The following PCF11 variants were observed in gnomAD, a reference collection of about 807,000 sequenced individuals.
PCF11 encodes the protein PCF11 cleavage and polyadenylation factor subunit.
PCF11 carries 19 observed loss-of-function variants against 166.1 expected under a neutral mutation model. The ratio of observed to expected loss-of-function variants is 0.11; its 90% confidence interval spans 0.08 to 0.17. The LOEUF (loss-of-function observed/expected upper bound fraction) is 0.17. Ranked by LOEUF, PCF11 falls within the 10% of genes least tolerant of loss-of-function variation. The probability of loss-of-function intolerance (pLI) is 1.00; values close to 1 mark genes in which losing one functional copy is unlikely to be tolerated. For synonymous variants in PCF11, 663 were observed against 644.1 expected (o/e 1.03, Z -0.44); for missense variants, 1,565 against 1,855.5 (o/e 0.84, Z 2.88).
chr11:83,176,266 A>G (rs1860875315), intron 9 of PCF11, among the ~76,000 whole-genome samples: 2 of 152,040 alleles, frequency 1.3e-5, no homozygotes, highest in African/African-American at 4.8e-5. Flanking sequence ...TATATTCTCA[A>G]CTCCAGTGTG....
At chr11:83,168,686 C>T (rs1860562684) in exon 8 of PCF11, 1 of 1,613,832 alleles carries the variant, frequency 6.2e-7, no homozygotes, top group Non-Finnish European at 8.5e-7. Flanking sequence ...GATGGACCTC[C>T]CACACCAGCT....
chr11:83,177,413 A>G (rs912947033), intron 10 of PCF11, among the ~76,000 whole-genome samples: 2 of 152,174 alleles, frequency 1.3e-5, no homozygotes, highest in Non-Finnish European at 2.9e-5. Context: ...GTTTCAGTTA[A>G]CTAACATACC....
chr11:83,165,323 C>T (rs1312858619), intron 4 of PCF11, among the ~76,000 whole-genome samples: 2 of 152,038 alleles, frequency 1.3e-5, no homozygotes, highest in Admixed American at 1.3e-4. Flanking sequence ...GGCTCAGAAT[C>T]CTGAACAATA....
Position 83,167,942 on chromosome 11 carries a change from A to G in PCF11, c.2092+437A>G. 8.1e-7 allele frequency: 1 copy of G among 1,240,248 alleles called. No homozygotes were observed. The allele number at this position is 1,240,248 out of a possible 1,614,324, so 76.8% of individuals were successfully genotyped here. A position where few individuals can be genotyped will look rare whatever the true frequency, so the allele number is the denominator to read the frequency against. ...GATTATGCCTATTGAATCACACAGC[A>G]GTGAAGGGAAAATGAACAAGCTAAG... On this transcript the variant is annotated intron_variant, in intron 7 of 15. Coordinates refer to ENST00000298281, the Ensembl canonical transcript of PCF11. The surrounding 1 kb of genome is among the most constrained non-coding windows in gnomAD (Gnocchi z 4.2).
exon 5 of PCF11, chr11:83,166,608 A>C: frequency 6.2e-7 from 1 of 1,613,930 alleles, no homozygotes; most frequent in Non-Finnish European, 8.5e-7. Context: ...AGAAACTACA[A>C]ATCAGCATTC....
At chr11:83,173,381 G>A (rs974614730) in intron 9 of PCF11, among the ~76,000 whole-genome samples, 1 of 152,110 alleles carries the variant, frequency 6.6e-6, no homozygotes, top group Non-Finnish European at 1.5e-5. Context: ...CTTGAACCCA[G>A]GAGGTGGAGG....
chr11:83,174,220 C>G (rs1860797872), intron 9 of PCF11, among the ~76,000 whole-genome samples: 2 of 152,142 alleles, frequency 1.3e-5, no homozygotes, highest in South Asian at 4.1e-4. Context: ...TAGCTTCTCT[C>G]AAGGTTCCTT....
At chr11:83,177,576 T>G in intron 10 of PCF11, 138 bp from the exon 11 acceptor site, 1 of 437,832 alleles carries the variant, frequency 2.3e-6, no homozygotes, top group Non-Finnish European at 4.1e-6. Context: ...TTAGGTTCCT[T>G]GGCCAGTAAA....
chr11:83,163,681 G>C, exon 3 of PCF11: 1 of 1,454,834 alleles, frequency 6.9e-7, no homozygotes. Flanking sequence ...TGTTCTAGGT[G>C]GATGAAAATA....
At chr11:83,181,816 TA>T in intron 12 of PCF11, 37 bp from the exon 13 acceptor site, 2 of 1,471,606 alleles carry the variant, frequency 1.4e-6, no homozygotes, top group Non-Finnish European at 1.8e-6. Context: ...AATTTAGAAA[TA>T]AATGGAATAA....
chr11:83,163,321 A>C (rs1860326973), intron 2 of PCF11, among the ~76,000 whole-genome samples: 1 of 152,110 alleles, frequency 6.6e-6, no homozygotes, highest in Non-Finnish European at 1.5e-5. Context: ...TCAGGTAATC[A>C]ATTTTTCTAG....
chr11:83,167,700 G>C lies in PCF11; in HGVS notation c.2092+195G>C. 1 of 1,506,442 alleles carries C rather than the reference G, an allele frequency of 6.6e-7. No homozygotes were observed. Among genetic ancestry groups the C allele is most frequent in the Non-Finnish European group, 8.9e-7 (1 of 1,128,994 alleles). 93.3% of individuals were successfully genotyped at this position (1,506,442 alleles called of 1,614,324 possible). Reference sequence around the variant, plus strand: ...TATTTTTGACTACCCTTTGACTGATGCCTTGTTGTCTGGAATAGAATGTGA... The same window carrying C: ...TATTTTTGACTACCCTTTGACTGATCCCTTGTTGTCTGGAATAGAATGTGA... On this transcript the variant is annotated intron_variant, in intron 7 of 15. Coordinates refer to ENST00000298281, the Ensembl canonical transcript of PCF11. The surrounding 1 kb of genome is among the most constrained non-coding windows in gnomAD (Gnocchi z 4.2).
At chr11:83,161,478 C>T (rs1411983027) in intron 2 of PCF11, 26 bp downstream of exon 2, 8 of 1,482,644 alleles carry the variant, frequency 5.4e-6, no homozygotes, top group South Asian at 1.3e-5. Flanking sequence ...GAAACATTTG[C>T]GTTTTTTTTT....
In PCF11 at chr11:83,167,729, A is replaced by G. The variant is rs1425326400; in HGVS notation, c.2092+224A>G. On this transcript the variant is annotated intron_variant, in intron 7 of 15. Transcript: ENST00000298281. The surrounding 1 kb of genome is among the most constrained non-coding windows in gnomAD (Gnocchi z 4.2). The stretch of plus-strand genomic sequence containing the variant: ...TGTTGTCTGGAATAGAATGTGAGCC[A>G]TCCAAAAGTAAACATGCAAGTAGGA... The G allele has an allele frequency of 7.4e-6, 11 of 1,478,778 alleles. No homozygotes were observed. 91.6% of individuals were successfully genotyped at this position (1,478,778 alleles called of 1,614,324 possible).
At chr11:83,166,079 G>A (rs1372296385) in exon 5 of PCF11, 2 of 1,610,496 alleles carry the variant, frequency 1.2e-6, no homozygotes, top group Non-Finnish European at 1.7e-6. Context: ...GTATGAGGTT[G>A]TCTGATATGA....
intron 11 of PCF11, among the ~76,000 whole-genome samples, chr11:83,179,922 A>G (rs1462822911): frequency 6.6e-6 from 1 of 151,898 alleles, no homozygotes; most frequent in Non-Finnish European, 1.5e-5. Context: ...TCCGTCTCCA[A>G]AAAAAACGGG....
intron 5 of PCF11, 100 bp downstream of exon 5, chr11:83,166,814 C>A: frequency 2.0e-6 from 2 of 994,794 alleles, no homozygotes; most frequent in South Asian, 1.7e-5. Context: ...GCTATTAGTA[C>A]TTTTTTTCCA....
chr11:83,170,246 GTTTTTTC>G (rs900367952), intron 8 of PCF11, among the ~76,000 whole-genome samples: 4 of 151,842 alleles, frequency 2.6e-5, no homozygotes, highest in Non-Finnish European at 4.4e-5. Context: ...CTCCAGCTCT[GTTTTTTC>G]TTTTTCCTTT....
chr11:83,161,340 A>G, exon 2 of PCF11: 1 of 1,597,948 alleles, frequency 6.3e-7, no homozygotes, highest in Non-Finnish European at 8.5e-7. Context: ...CCTTCCTCAG[A>G]GAAGCTTCCT....
Sources: gnomAD v4.1 joint callset for allele counts (sites outside exome capture counted in the v4.1 genomes callset) on GRCh38, gnomAD v4.1.1 for gene constraint, Gnocchi (gnomAD v3.1) non-coding constraint, MANE v1.5 for transcripts, NCBI Gene and HGNC (gene_info 2026-07-23, HGNC 2026-07-21) for gene names.